CEP128: variants seen among roughly 807,000 people sequenced by gnomAD.
CEP128 encodes centrosomal protein 128, also known as centrosomal protein 128kDa.
Under a neutral mutation model 156.7 loss-of-function variants are expected in CEP128, and 132 were observed. That is an observed-to-expected ratio of 0.84 (90% CI 0.73 to 0.97). The LOEUF (loss-of-function observed/expected upper bound fraction) is 0.97, where lower values mean the gene tolerates loss of function less well. CEP128 is among the 50% of genes least tolerant of loss of function. The pLI is 0.00. For missense variants in CEP128, 1,252 were observed against 1,281.9 expected (o/e 0.98, Z 0.36); for synonymous variants, 469 against 448.9 (o/e 1.04, Z -0.57).
chr14:80,872,114 T>C (rs1463612488), intron 8 of CEP128, among the ~76,000 whole-genome samples: 2 of 152,172 alleles, frequency 1.3e-5, no homozygotes, highest in East Asian at 1.9e-4. Context: ...TTATTTTTAA[T>C]AGTGATCCTC....
Position 80,888,860 on chromosome 14 carries a change from T to C in CEP128, c.645+6858A>G, listed in dbSNP as rs888752125. ...AAATTGTCTCCGTTTGCAGAGGACA[T>C]GATTTTATATTTAGAAAACCCCATT... is the stretch of plus-strand genomic sequence containing the variant. On this transcript the variant is annotated intron_variant, in intron 8 of 24. Coordinates refer to ENST00000555265, the MANE Select transcript of CEP128 (RefSeq NM_152446.5). 1.3e-5 allele frequency among the ~76,000 whole-genome samples: 2 copies of C among 152,238 alleles called. 1 individual carries two copies. The highest frequency in any genetic ancestry group is 1.3e-4 in the Admixed American group (2 of 15,276).
At chr14:80,944,350 C>T (rs972217600), upstream of CEP128, among the ~76,000 whole-genome samples, 1 of 152,084 alleles carries the variant, frequency 6.6e-6, no homozygotes, top group Non-Finnish European at 1.5e-5. Context: ...GGGGCAGTTC[C>T]CCCACGCTGT....
intron 2 of CEP128, chr14:80,955,191 A>C (rs375272314): frequency 1.9e-4 from 44 of 235,442 alleles, no homozygotes; most frequent in African/African-American, 7.4e-4. Context: ...CTCCGCGGGG[A>C]CTTTCTCTGG....
intron 8 of CEP128, among the ~76,000 whole-genome samples, chr14:80,890,508 C>T (rs1889042680): frequency 6.6e-6 from 1 of 152,120 alleles, no homozygotes; most frequent in Admixed American, 6.6e-5. Flanking sequence ...CCATCATTCT[C>T]AGCAAACTAA....
rs138259083 is a variant in CEP128 at position 80,785,109 on chromosome 14, G to A, written c.1997C>T (p.Ser666Phe). The A allele has an allele frequency of 2.5e-6, 4 of 1,614,184 alleles. No homozygotes were observed. The highest frequency in any genetic ancestry group is 3.4e-6 in the Non-Finnish European group (4 of 1,179,984). Residue 666 changes from serine to phenylalanine, a missense_variant, in exon 15 of 25, where the codon TCT (serine) becomes TTT (phenylalanine). Transcript: ENST00000555265. ...GGATTTTGCCTGTGCAGTGAGGTCA[G>A]AAAGGTCCTTAAGCACTGCTTTCTT... ...RAKKAVLKDL[S>F]DLTAQAKSRD...
At chr14:80,942,021 G>T (rs1271269784), upstream of CEP128, among the ~76,000 whole-genome samples, 2 of 151,900 alleles carry the variant, frequency 1.3e-5, no homozygotes, top group African/African-American at 4.8e-5. Flanking sequence ...GAATAAAAAT[G>T]CTTCCTTGGC....
rs766489113 is a variant in CEP128, at chr14:80,916,469, T to C, written c.79A>G (p.Arg27Gly). 9 of 1,614,110 alleles carry C rather than the reference T, an allele frequency of 5.6e-6. No homozygotes were observed. Among genetic ancestry groups the C allele is most frequent in the Non-Finnish European group, 7.6e-6 (9 of 1,179,958 alleles). The change falls in exon 3 of 25, where the codon AGG (arginine) becomes GGG (glycine). Residue 27 changes from arginine to glycine, a missense_variant. By Grantham distance (125) the Arg-to-Gly change is moderately radical (BLOSUM62 -2). Coordinates refer to ENST00000555265, the MANE Select transcript of CEP128 (RefSeq NM_152446.5). ...LSPWAARSTH[R>G]GTRSLPTVEV... ...ACTGTAGGAAGACTTCGAGTTCCCC[T>C]GTGCGTTGATCTGGCAGCCCATGGA...
At chr14:80,914,295 A>G in intron 4 of CEP128, 27 bp downstream of exon 4, 1 of 1,573,402 alleles carries the variant, frequency 6.4e-7, no homozygotes. Context: ...TGGGTAGGAG[A>G]AAATGCAAAC....
At chr14:80,735,280 G>C (rs561453814) in intron 19 of CEP128, among the ~76,000 whole-genome samples, 2 of 152,030 alleles carry the variant, frequency 1.3e-5, no homozygotes, top group East Asian at 3.8e-4. Context: ...TCTCCATTTC[G>C]GGTTCACTCA....
At chr14:80,778,460 C>A (rs1900921277) in intron 15 of CEP128, among the ~76,000 whole-genome samples, 1 of 152,214 alleles carries the variant, frequency 6.6e-6, no homozygotes, top group African/African-American at 2.4e-5. Flanking sequence ...TGAGATGTTA[C>A]TAACTGATAA....
At chr14:80,952,756 G>A (rs1886493352) in intron 2 of CEP128, among the ~76,000 whole-genome samples, 1 of 151,878 alleles carries the variant, frequency 6.6e-6, no homozygotes, top group Non-Finnish European at 1.5e-5. Flanking sequence ...TAACCCTCTG[G>A]ATAAAGTACT....
chr14:80,738,559 T>C (rs529620192), intron 19 of CEP128, among the ~76,000 whole-genome samples: 9 of 152,276 alleles, frequency 5.9e-5, no homozygotes, highest in African/African-American at 2.2e-4. Context: ...AAAATCTAAG[T>C]CATACAGTTT....
At chr14:80,759,976 T>C (rs1899879028) in intron 17 of CEP128, among the ~76,000 whole-genome samples, 1 of 151,960 alleles carries the variant, frequency 6.6e-6, no homozygotes, top group Admixed American at 6.6e-5. Context: ...TGTTTCCATT[T>C]TACCTTCCTA....
At chr14:80,491,892 T>C (rs1162618671), downstream of CEP128, among the ~76,000 whole-genome samples, 2 of 152,174 alleles carry the variant, frequency 1.3e-5, no homozygotes, top group East Asian at 3.9e-4. Context: ...AAAATGTGTG[T>C]TATTAAAGGC....
rs770622908 is a variant in CEP128 at position 80,777,867 on chromosome 14, C to T, written c.2376+15G>A. On this transcript the variant is annotated intron_variant, in intron 16 of 24. Coordinates refer to ENST00000555265, the MANE Select transcript of CEP128 (RefSeq NM_152446.5). ...GAAATTAGAATTTGAAATTAGAATT[C>T]ACTCATATTTTTACCCTTTCTTCTA... The T allele has an allele frequency of 2.0e-6, 3 of 1,506,982 alleles. No homozygotes were observed. Among genetic ancestry groups the T allele is most frequent in the African/African-American group, 2.8e-5 (2 of 71,836 alleles). 93.4% of individuals were successfully genotyped at this position (1,506,982 alleles called of 1,614,324 possible). A position where few individuals can be genotyped will look rare whatever the true frequency, so the allele number is the denominator to read the frequency against.
intron 13 of CEP128, among the ~76,000 whole-genome samples, chr14:80,827,503 A>G (rs1885542163): frequency 6.6e-6 from 1 of 152,200 alleles, no homozygotes; most frequent in South Asian, 2.1e-4. Flanking sequence ...AAAATTAAAC[A>G]TAAGACTGAG....
chr14:80,767,794 T>C (rs915893822), intron 16 of CEP128, among the ~76,000 whole-genome samples: 2 of 152,098 alleles, frequency 1.3e-5, no homozygotes, highest in Non-Finnish European at 2.9e-5. Flanking sequence ...GAATGGCAAA[T>C]GGGAACACTG....
chr14:80,890,104 G>A (rs1184463990), intron 8 of CEP128, among the ~76,000 whole-genome samples: 1 of 152,114 alleles, frequency 6.6e-6, no homozygotes, highest in Non-Finnish European at 1.5e-5. Flanking sequence ...TTAGAATGGT[G>A]ATCATTAAAA....
intron 19 of CEP128, chr14:80,742,769 A>G (rs1898897537): frequency 6.6e-6 from 2 of 304,636 alleles, no homozygotes; most frequent in African/African-American, 4.4e-5. Flanking sequence ...ATGAACTAAG[A>G]CGTATTTTAC....
Sources: allele counts gnomAD v4.1 joint callset (sites outside exome capture counted in the v4.1 genomes callset), GRCh38; gene constraint gnomAD v4.1.1; transcripts MANE v1.5; gene names NCBI Gene and HGNC (gene_info 2026-07-23, HGNC 2026-07-21).